IGF1R: variants seen among roughly 807,000 people sequenced by gnomAD.
The protein encoded by IGF1R is insulin like growth factor 1 receptor.
A neutral mutation model predicts 144.6 loss-of-function variants in IGF1R; 44 were observed. That is an observed-to-expected ratio of 0.30 (90% CI 0.24 to 0.39). IGF1R has a LOEUF of 0.39. IGF1R is among the 10% of genes least tolerant of loss of function. The pLI is 1.00. For synonymous variants in IGF1R, 795 were observed against 722.8 expected (o/e 1.10, Z -1.60); for missense variants, 1,355 against 1,833.7 (o/e 0.74, Z 4.77).
chr15:98,914,278 C>G (rs2151678709), intron 8 of IGF1R, among the ~76,000 whole-genome samples: 1 of 152,338 alleles, frequency 6.6e-6, no homozygotes, highest in East Asian at 1.9e-4. Flanking sequence ...TGGTAGGGGA[C>G]ACAGGCATTC....
chr15:98,695,124 A>G (rs1415589432), intron 1 of IGF1R, among the ~76,000 whole-genome samples: 1 of 152,194 alleles, frequency 6.6e-6, no homozygotes, highest in East Asian at 1.9e-4. Flanking sequence ...GATATTCTGC[A>G]GTATAGTTAA....
intron 2 of IGF1R, among the ~76,000 whole-genome samples, chr15:98,796,985 G>A (rs1226422974): frequency 1.3e-5 from 2 of 152,182 alleles, no homozygotes; most frequent in Non-Finnish European, 1.5e-5. Context: ...TGCTGAGCCT[G>A]TTCCCCCCTC....
chr15:98,685,341 T>C (rs2053299497), intron 1 of IGF1R, among the ~76,000 whole-genome samples: 1 of 152,190 alleles, frequency 6.6e-6, no homozygotes, highest in Non-Finnish European at 1.5e-5. Flanking sequence ...GGATGGTAGA[T>C]GTTGAGTTCT....
intron 2 of IGF1R, among the ~76,000 whole-genome samples, chr15:98,832,557 A>G (rs2057020525): frequency 6.6e-6 from 1 of 152,240 alleles, no homozygotes; most frequent in Admixed American, 6.5e-5. Flanking sequence ...TAATCCTTTT[A>G]CAGATATATT....
chr15:98,921,122 G>A (rs189518553), intron 10 of IGF1R, among the ~76,000 whole-genome samples: 62 of 152,246 alleles, frequency 4.1e-4, no homozygotes, highest in East Asian at 1.2e-3. Flanking sequence ...TCCTAAGACC[G>A]GTGACCCCAG....
chr15:98,685,614 A>G (rs528358773), intron 1 of IGF1R, among the ~76,000 whole-genome samples: 2 of 152,146 alleles, frequency 1.3e-5, no homozygotes, highest in South Asian at 2.1e-4. Context: ...ATATCTGCTC[A>G]TTGTCTGTCC....
At chr15:98,827,629 CG>C (rs1156253983) in intron 2 of IGF1R, among the ~76,000 whole-genome samples, 6 of 152,204 alleles carry the variant, frequency 3.9e-5, no homozygotes, top group African/African-American at 1.4e-4. Context: ...AGTTAACAAT[CG>C]GAAGTGCAGT....
chr15:98,815,135 A>G (rs1287576317), intron 2 of IGF1R, among the ~76,000 whole-genome samples: 1 of 152,262 alleles, frequency 6.6e-6, no homozygotes. Flanking sequence ...CAGTGATTAC[A>G]ATTTAAAATC....
intron 2 of IGF1R, among the ~76,000 whole-genome samples, chr15:98,713,294 G>C (rs1173017265): frequency 6.6e-6 from 1 of 152,186 alleles, no homozygotes; most frequent in African/African-American, 2.4e-5. Flanking sequence ...TCTGCTTAGT[G>C]AAGGATTTAT....
intron 15 of IGF1R, among the ~76,000 whole-genome samples, chr15:98,931,497 C>G (rs959754913): frequency 6.6e-6 from 1 of 152,148 alleles, no homozygotes; most frequent in African/African-American, 2.4e-5. Context: ...CAATCAAAAG[C>G]AGCCTCCTCT....
intron 1 of IGF1R, among the ~76,000 whole-genome samples, chr15:98,684,027 T>TA (rs377001444): frequency 4.7e-4 from 72 of 152,282 alleles, no homozygotes; most frequent in African/African-American, 1.7e-3. Flanking sequence ...CTCTGAGCTG[T>TA]ACCATGTGCC....
At chr15:98,955,234 CTT>C (rs539559387) in intron 20 of IGF1R, among the ~76,000 whole-genome samples, 119 of 152,328 alleles carry the variant, frequency 7.8e-4, no homozygotes, top group African/African-American at 2.8e-3. Flanking sequence ...GTGGGGTAGA[CTT>C]TTAAAATTCT....
chr15:98,946,216 G>A (rs1596479395), intron 19 of IGF1R, among the ~76,000 whole-genome samples: 2 of 151,910 alleles, frequency 1.3e-5, no homozygotes, highest in Admixed American at 6.5e-5. Flanking sequence ...GGCAGGGGTG[G>A]GGGGTTCCTG....
chr15:98,910,389 C>G (rs2014956681), intron 6 of IGF1R, among the ~76,000 whole-genome samples: 1 of 152,230 alleles, frequency 6.6e-6, no homozygotes, highest in African/African-American at 2.4e-5. Flanking sequence ...CTCTAAATAA[C>G]ACTTCAGCAG....
At position 98,841,548 on chromosome 15, in the gene IGF1R, C is replaced by T. The variant is rs1405934752; in HGVS notation, c.641-49777C>T. 2.6e-5 allele frequency among the ~76,000 whole-genome samples: 4 copies of T among 152,288 alleles called. No homozygotes were observed. The East Asian group carries it at 7.7e-4, about 29-fold the overall frequency. On this transcript the variant is annotated intron_variant, in intron 2 of 20. Transcript: ENST00000650285. ...GTCTCTGTCCACCTGGCTTTTTAGG[C>T]CTCTCTTACCTGTTCCCTGTTTATC...
chr15:98,899,484 T>A lies in IGF1R; in HGVS notation c.1110T>A (p.Ile370=), dbSNP rs1416355494. ...AATCCCCTTTCAATGTAGATAACAT[T>A]GCTTCAGAGCTGGAGAACTTCATGG... is the stretch of plus-strand genomic sequence containing the variant. The part of the protein sequence containing the change: ...LLINIRRGNN[I]ASELENFMGL... The change falls in exon 5 of 21, where the codon ATT becomes ATA. Residue 370 remains isoleucine (I), a synonymous_variant. Transcript: ENST00000650285. 8 of 1,613,994 alleles carry A rather than the reference T, an allele frequency of 5.0e-6. No homozygotes were observed. The highest frequency in any genetic ancestry group is 6.8e-6 in the Non-Finnish European group (8 of 1,180,006).
At chr15:98,888,090 C>A (rs1349551994) in intron 2 of IGF1R, among the ~76,000 whole-genome samples, 17 of 152,300 alleles carry the variant, frequency 1.1e-4, no homozygotes, top group Admixed American at 1.0e-3. Context: ...GCTCATCTTT[C>A]CACTTTCAAC....
chr15:98,891,443 C>G lies in IGF1R; in HGVS notation c.759C>G (p.His253Gln). The G allele has an allele frequency of 6.2e-7, 1 of 1,614,052 alleles. No individual in the cohort carries two copies. Among genetic ancestry groups the G allele is most frequent in the Non-Finnish European group, 8.5e-7 (1 of 1,180,028 alleles). ...DNDTACVACR[H>Q]YYYAGVCVPA... Reference sequence around the variant, plus strand: ...ACACGGCCTGTGTAGCTTGCCGCCACTACTACTATGCCGGTGTCTGTGTGC... The same window carrying G: ...ACACGGCCTGTGTAGCTTGCCGCCAGTACTACTATGCCGGTGTCTGTGTGC... The change falls in exon 3 of 21, where the codon CAC (histidine) becomes CAG (glutamine). Residue 253 changes from histidine to glutamine, a missense_variant. Transcript: ENST00000650285. This position sits in a 1 kb window ranked among gnomAD's most constrained non-coding sequence, Gnocchi z 4.7.
intron 2 of IGF1R, among the ~76,000 whole-genome samples, chr15:98,809,443 C>T (rs1168387238): frequency 2.6e-5 from 4 of 152,150 alleles, no homozygotes; most frequent in Non-Finnish European, 2.9e-5. Context: ...GTTCCGCTGG[C>T]GTGAGAGGCT....
Sources: gnomAD v4.1 joint callset for allele counts (sites outside exome capture counted in the v4.1 genomes callset) on GRCh38, gnomAD v4.1.1 for gene constraint, Gnocchi (gnomAD v3.1) non-coding constraint, MANE v1.5 for transcripts, NCBI Gene and HGNC (gene_info 2026-07-23, HGNC 2026-07-21) for gene names.